Variants in CLSTN2 observed in about 807,000 individuals in gnomAD.
CLSTN2 encodes the protein calsyntenin 2.
Under a neutral mutation model 101.2 loss-of-function variants are expected in CLSTN2, and 48 were observed. The observed-to-expected ratio is 0.47, with a 90% CI of 0.38 to 0.60. The LOEUF is 0.60. Among genes scored for constraint, CLSTN2 ranks in the 20% least tolerant of loss-of-function variants. The pLI, the probability that CLSTN2 is intolerant of heterozygous loss-of-function variation, is 0.00. For missense variants in CLSTN2, 1,160 were observed against 1,238.2 expected (o/e 0.94, Z 0.95); for synonymous variants, 481 against 463.6 (o/e 1.04, Z -0.48).
At chr3:140,427,690 C>A (rs183138331) in intron 5 of CLSTN2, among the ~76,000 whole-genome samples, 59 of 152,234 alleles carry the variant, frequency 3.9e-4, no homozygotes, top group African/African-American at 1.3e-3. Context: ...GCTAGATAGC[C>A]TGTGGGGATC....
At chr3:140,393,974 G>A (rs2088150981) in intron 2 of CLSTN2, among the ~76,000 whole-genome samples, 1 of 152,068 alleles carries the variant, frequency 6.6e-6, no homozygotes, top group Non-Finnish European at 1.5e-5. Flanking sequence ...TAGAATGGTG[G>A]GCACCTCAGA....
At chr3:140,081,703 C>G (rs944336855) in intron 1 of CLSTN2, among the ~76,000 whole-genome samples, 1 of 151,840 alleles carries the variant, frequency 6.6e-6, no homozygotes, top group Non-Finnish European at 1.5e-5. Flanking sequence ...TATCATACCA[C>G]CCCTTCTGCA....
chr3:140,419,652 C>A (rs538204604), intron 4 of CLSTN2, among the ~76,000 whole-genome samples: 1 of 52,022 alleles, frequency 1.9e-5, no homozygotes, highest in Non-Finnish European at 3.0e-5. Context: ...TATATGTACA[C>A]GTATATATAC....
intron 2 of CLSTN2, among the ~76,000 whole-genome samples, chr3:140,369,320 A>G (rs1481568195): frequency 6.6e-6 from 1 of 152,246 alleles, no homozygotes. Context: ...GTCAACAATA[A>G]GAAAATAAGA....
intron 2 of CLSTN2, among the ~76,000 whole-genome samples, chr3:140,188,189 T>G (rs2010509045): frequency 6.6e-6 from 1 of 152,248 alleles, no homozygotes; most frequent in Admixed American, 6.5e-5. Context: ...ATTACATGCT[T>G]AAGCTGACCT....
chr3:140,484,598 C>T (rs1163541681), intron 8 of CLSTN2, among the ~76,000 whole-genome samples: 2 of 152,222 alleles, frequency 1.3e-5, no homozygotes, highest in South Asian at 4.1e-4. Context: ...CTTTCAGGTA[C>T]ACCAATCAGA....
At chr3:140,347,494 G>GAAA (rs2087561013) in intron 2 of CLSTN2, among the ~76,000 whole-genome samples, 1 of 152,228 alleles carries the variant, frequency 6.6e-6, no homozygotes, top group East Asian at 1.9e-4. Context: ...TTCTGAGCAG[G>GAAA]CAAATTCAAT....
At position 140,571,404 on chromosome 3, in the gene CLSTN2, C is replaced by A. The variant is rs570653985; in HGVS notation, c.*5151C>A. The A allele has an allele frequency of 6.6e-6, 1 of 152,094 alleles. No individual in the cohort carries two copies. The highest frequency in any genetic ancestry group is 1.5e-5 in the Non-Finnish European group (1 of 67,972). 9.4% of individuals were successfully genotyped at this position (152,094 alleles called of 1,614,324 possible). A position where few individuals can be genotyped will look rare whatever the true frequency, so the allele number is the denominator to read the frequency against. ...ATTTAAATTAACCAAATAGTTTTTA[C>A]AAAAAAGTAGGTAAGTGGGTTTAAT... On this transcript the variant is annotated 3_prime_UTR_variant, in exon 17 of 17. Coordinates refer to ENST00000458420, the MANE Select transcript of CLSTN2 (RefSeq NM_022131.3).
intron 1 of CLSTN2, among the ~76,000 whole-genome samples, chr3:140,127,360 A>G (rs2009452553): frequency 6.6e-6 from 1 of 152,200 alleles, no homozygotes; most frequent in Admixed American, 6.5e-5. Context: ...CTGATAAATA[A>G]TGGCTATAAA....
intron 2 of CLSTN2, among the ~76,000 whole-genome samples, chr3:140,242,229 C>A (rs1263803201): frequency 6.6e-6 from 1 of 152,008 alleles, no homozygotes; most frequent in Non-Finnish European, 1.5e-5. Flanking sequence ...TTTATAAATA[C>A]ATAAAAATAG....
intron 2 of CLSTN2, among the ~76,000 whole-genome samples, chr3:140,227,906 A>T (rs2086337168): frequency 6.6e-6 from 1 of 152,214 alleles, no homozygotes. Context: ...GACTGTGCAC[A>T]GCATAGGTAC....
intron 1 of CLSTN2, among the ~76,000 whole-genome samples, chr3:140,131,121 C>T (rs1388793136): frequency 6.6e-6 from 1 of 151,840 alleles, no homozygotes; most frequent in Non-Finnish European, 1.5e-5. Flanking sequence ...CTTTGTCCCT[C>T]AAAACCTGAT....
intron 1 of CLSTN2, among the ~76,000 whole-genome samples, chr3:139,941,263 T>C (rs1935123141): frequency 6.6e-6 from 1 of 151,980 alleles, no homozygotes; most frequent in Non-Finnish European, 1.5e-5. Context: ...CCTGGCACTG[T>C]GTAGGACAGA....
At chr3:140,352,893 CTCCATA>C (rs2087625418) in intron 2 of CLSTN2, among the ~76,000 whole-genome samples, 2 of 152,164 alleles carry the variant, frequency 1.3e-5, no homozygotes, top group South Asian at 4.1e-4. Flanking sequence ...ACAGTTGGCC[CTCCATA>C]TCCATAAGTT....
chr3:139,988,759 A>G (rs1192779444), intron 1 of CLSTN2, among the ~76,000 whole-genome samples: 1 of 152,184 alleles, frequency 6.6e-6, no homozygotes, highest in African/African-American at 2.4e-5. Context: ...GGACTTGAGT[A>G]TTGGGGAGGT....
At chr3:140,449,935 TACTC>T (rs1933202128) in intron 6 of CLSTN2, 1 of 152,272 alleles carries the variant, frequency 6.6e-6, no homozygotes, top group African/African-American at 2.4e-5. Context: ...CAAAGGAAGA[TACTC>T]ACTTGTGAGG....
intron 1 of CLSTN2, among the ~76,000 whole-genome samples, chr3:140,044,354 G>A (rs1430361003): frequency 3.3e-5 from 5 of 152,192 alleles, no homozygotes; most frequent in African/African-American, 1.2e-4. Context: ...GTATAAGAAT[G>A]CTTGTGATTT....
At chr3:140,254,256 A>G (rs1482937542) in intron 2 of CLSTN2, among the ~76,000 whole-genome samples, 1 of 152,180 alleles carries the variant, frequency 6.6e-6, no homozygotes. Flanking sequence ...AAATCATTAC[A>G]TATATGAGTG....
At chr3:140,399,599 A>G (rs912771327) in intron 2 of CLSTN2, among the ~76,000 whole-genome samples, 2 of 152,262 alleles carry the variant, frequency 1.3e-5, no homozygotes, top group African/African-American at 4.8e-5. Flanking sequence ...TACCAAAATT[A>G]CAGAATTTGT....
Sources: gnomAD v4.1 joint callset for allele counts (sites outside exome capture counted in the v4.1 genomes callset) on GRCh38, gnomAD v4.1.1 for gene constraint, MANE v1.5 for transcripts, NCBI Gene and HGNC (gene_info 2026-07-23, HGNC 2026-07-21) for gene names.